NRG3: variants seen among roughly 807,000 people sequenced by gnomAD.
NRG3 encodes neuregulin 3.
In NRG3, 31 loss-of-function variants were observed where a neutral mutation model predicts 66.9. The ratio of observed to expected loss-of-function variants is 0.46; its 90% CI spans 0.35 to 0.63. The LOEUF is 0.63. Ranked by LOEUF, NRG3 falls within the 20% of genes least tolerant of loss-of-function variation. The probability of loss-of-function intolerance (pLI) is 0.00; values close to 1 mark genes in which losing one functional copy is unlikely to be tolerated. For synonymous variants in NRG3, 393 were observed against 359.4 expected, an observed-to-expected ratio of 1.09 and a Z score of -1.06; for missense variants, 910 against 878.9, an observed-to-expected ratio of 1.04 and a Z score of -0.45.
intron 1 of NRG3, among the ~76,000 whole-genome samples, chr10:81,883,453 C>T (rs1842354035): frequency 6.6e-6 from 1 of 152,110 alleles, no homozygotes; most frequent in Non-Finnish European, 1.5e-5. Context: ...AACCTACAAA[C>T]TGAATTCAGA....
chr10:82,934,574 G>A (rs1412964213), intron 4 of NRG3, among the ~76,000 whole-genome samples: 1 of 152,146 alleles, frequency 6.6e-6, no homozygotes, highest in Non-Finnish European at 1.5e-5. Flanking sequence ...TAGAGCACTG[G>A]CTGCTGAGGC....
chr10:82,913,787 A>G (rs528841594), intron 4 of NRG3, among the ~76,000 whole-genome samples: 6 of 152,018 alleles, frequency 3.9e-5, no homozygotes, highest in South Asian at 2.1e-4. Context: ...AATGTAGAGT[A>G]TTTTCCATGG....
At chr10:82,649,459 CTTTTTTTTTT>C (rs71469930) in intron 2 of NRG3, among the ~76,000 whole-genome samples, 9 of 48,794 alleles carry the variant, frequency 1.8e-4, no homozygotes, top group South Asian at 1.5e-3. Context: ...CTGGTGCAGG[CTTTTTTTTTT>C]TTTTTTTTTT....
chr10:82,001,222 G>C (rs1589740229), intron 1 of NRG3, among the ~76,000 whole-genome samples: 1 of 151,524 alleles, frequency 6.6e-6, no homozygotes, highest in African/African-American at 2.4e-5. Context: ...CAAAGGAAAG[G>C]CTGGTCATGG....
At chr10:82,307,771 A>G (rs1007861843) in intron 1 of NRG3, among the ~76,000 whole-genome samples, 9 of 149,820 alleles carry the variant, frequency 6.0e-5, no homozygotes, top group African/African-American at 2.0e-4. Context: ...TTTTCCTGTC[A>G]TTTAAAAAAA....
chr10:82,049,495 A>T (rs2063484293), intron 1 of NRG3, among the ~76,000 whole-genome samples: 1 of 152,118 alleles, frequency 6.6e-6, no homozygotes, highest in South Asian at 2.1e-4. Flanking sequence ...GGGGGCTGCC[A>T]AGTAACTTTC....
intron 1 of NRG3, among the ~76,000 whole-genome samples, chr10:81,904,546 A>G (rs757485367): frequency 7.9e-5 from 12 of 152,052 alleles, no homozygotes; most frequent in Non-Finnish European, 1.8e-4. Flanking sequence ...TCATTAGTCA[A>G]ATTCCACCTT....
intron 2 of NRG3, among the ~76,000 whole-genome samples, chr10:82,522,702 TAA>T (rs78673803): frequency 7.9e-5 from 11 of 138,558 alleles, no homozygotes; most frequent in South Asian, 2.3e-4. Context: ...GCCTGTTTAC[TAA>T]AAAAAAAAAA....
rs11196269 is a variant in NRG3 at position 82,864,690 on chromosome 10, C to T, written c.1028-721C>T. 2.6e-5 allele frequency among the ~76,000 whole-genome samples: 4 copies of T among 152,274 alleles called. No individual in the cohort carries two copies. In the East Asian group the frequency reaches 7.7e-4, roughly 29 times the overall value. On this transcript the variant is annotated intron_variant, in intron 3 of 8. Coordinates refer to ENST00000372141, the MANE Select transcript of NRG3 (RefSeq NM_001010848.4). Reference sequence around the variant, plus strand: ...GCTCTGCTGATCAGGCAGATGTTAGCTGGTCAGGATGGTTTGCATTCTATA... The same window carrying T: ...GCTCTGCTGATCAGGCAGATGTTAGTTGGTCAGGATGGTTTGCATTCTATA...
At chr10:81,981,241 T>C (rs1361492740) in intron 1 of NRG3, among the ~76,000 whole-genome samples, 1 of 152,178 alleles carries the variant, frequency 6.6e-6, no homozygotes, top group Non-Finnish European at 1.5e-5. Context: ...TCACTCCAGC[T>C]GTGAACTTGT....
At chr10:81,961,830 C>A (rs1392701101) in intron 1 of NRG3, among the ~76,000 whole-genome samples, 1 of 152,212 alleles carries the variant, frequency 6.6e-6, no homozygotes, top group African/African-American at 2.4e-5. Context: ...ATGAACTTGT[C>A]CCACAAGAAG....
intron 2 of NRG3, among the ~76,000 whole-genome samples, chr10:82,549,754 G>C (rs1243963060): frequency 6.6e-6 from 1 of 152,120 alleles, no homozygotes; most frequent in African/African-American, 2.4e-5. Context: ...TTAGTTTTCT[G>C]TCTGAGGCAT....
intron 1 of NRG3, among the ~76,000 whole-genome samples, chr10:82,129,670 TTCAAGTAATTCTCCTGGCTCAGCC>T (rs1433636317): frequency 6.6e-6 from 1 of 152,058 alleles, no homozygotes. Context: ...ACCTTCCAGA[TTCAAGTAATTCTCCTGGCTCAGCC>T]TCCCAATAGG....
At chr10:82,697,205 G>A (rs549465139) in intron 2 of NRG3, among the ~76,000 whole-genome samples, 1 of 152,276 alleles carries the variant, frequency 6.6e-6, no homozygotes, top group South Asian at 2.1e-4. Flanking sequence ...AATTCAATTG[G>A]CATAAAATGA....
chr10:82,499,971 T>G (rs900083516), intron 2 of NRG3, among the ~76,000 whole-genome samples: 2 of 152,086 alleles, frequency 1.3e-5, no homozygotes, highest in Non-Finnish European at 2.9e-5. Flanking sequence ...TAGCCTTCAT[T>G]GTGAGTATAA....
chr10:82,345,803 G>A (rs1441899269), intron 1 of NRG3, among the ~76,000 whole-genome samples: 1 of 151,548 alleles, frequency 6.6e-6, no homozygotes, highest in Non-Finnish European at 1.5e-5. Context: ...TGGATTCCTA[G>A]GTATTTTATT....
chr10:82,763,488 T>A (rs565914251), intron 3 of NRG3, among the ~76,000 whole-genome samples: 21 of 152,270 alleles, frequency 1.4e-4, no homozygotes, highest in Non-Finnish European at 2.1e-4. Context: ...AAACTTAGAC[T>A]TGTAGCATAA....
Position 82,512,691 on chromosome 10 carries a change from G to A in NRG3, c.953+153823G>A, listed in dbSNP as rs376038615. 5.3e-5 allele frequency among the ~76,000 whole-genome samples: 8 copies of A among 152,142 alleles called. No individual in the cohort carries two copies. In the Middle Eastern group the frequency reaches 0.01, roughly 194 times the overall value. ...TTCATTGCATGCTATTCTGATCTCC[G>A]CCAGAGTGAATTTTCGGTAGATTTT... On this transcript the variant is annotated intron_variant, in intron 2 of 8. Transcript: ENST00000372141.
intron 1 of NRG3, among the ~76,000 whole-genome samples, chr10:81,960,391 A>G (rs896853099): frequency 5.3e-5 from 8 of 151,922 alleles, no homozygotes; most frequent in African/African-American, 1.9e-4. Flanking sequence ...TTACCTTTCA[A>G]CCTTCTCATT....
Sources: allele counts gnomAD v4.1 joint callset (sites outside exome capture counted in the v4.1 genomes callset), GRCh38; gene constraint gnomAD v4.1.1; transcripts MANE v1.5; gene names NCBI Gene and HGNC (gene_info 2026-07-23, HGNC 2026-07-21).